Variants in TRIP4 observed in about 807,000 individuals in gnomAD.
TRIP4 encodes activating signal cointegrator 1.
TRIP4 carries 54 observed loss-of-function variants against 81.8 expected under a neutral mutation model. That is an observed-to-expected ratio of 0.66 (90% CI 0.53 to 0.83). The LOEUF is 0.83. TRIP4 is among the 40% of genes least tolerant of loss of function. The probability of loss-of-function intolerance (pLI) is 0.00; values close to 1 mark genes in which losing one functional copy is unlikely to be tolerated. For synonymous variants in TRIP4, 270 were observed against 242.8 expected, an observed-to-expected ratio of 1.11 and a Z score of -1.04; for missense variants, 662 against 683.6, an observed-to-expected ratio of 0.97 and a Z score of 0.35.
intron 12 of TRIP4, among the ~76,000 whole-genome samples, chr15:64,447,375 C>T (rs551282060): frequency 6.6e-6 from 1 of 152,300 alleles, no homozygotes; most frequent in East Asian, 1.9e-4. Flanking sequence ...TAGAGAAGTA[C>T]TTCTCAAACT....
chr15:64,395,281 G>C, intron 2 of TRIP4, 117 bp from the exon 3 acceptor site: 1 of 812,744 alleles, frequency 1.2e-6, no homozygotes, highest in Non-Finnish European at 1.7e-6. Flanking sequence ...AAATCTTCCT[G>C]ATGATATCTT....
rs1566978156 is a variant in TRIP4, at chr15:64,418,672, C to T, written c.1302C>T (p.Gly434=). 1.9e-6 allele frequency: 3 copies of T among 1,614,036 alleles called. No individual in the cohort carries two copies. The highest frequency in any genetic ancestry group is 2.5e-6 in the Non-Finnish European group (3 of 1,180,018). ...AATTTCAGGAAGGCTTTGATGGTGG[C>T]TGGTGCCTCTCTGTACATCAGCCCT... ...DQEFQEGFDG[G]WCLSVHQPWA... Residue 434 remains glycine, a synonymous_variant, in exon 9 of 13, where the codon GGC becomes GGT. Coordinates refer to ENST00000261884, the MANE Select transcript of TRIP4 (RefSeq NM_016213.5).
chr15:64,414,304 A>G lies in TRIP4; in HGVS notation c.1170+93A>G, dbSNP rs543711668. ...TCTATTTCATAGACTTCAGATACCA[A>G]TCAGCTCTCTCAATACACCTGTACC... is the stretch of plus-strand genomic sequence containing the variant. On this transcript the variant is annotated intron_variant, in intron 8 of 12. Coordinates refer to ENST00000261884, the MANE Select transcript of TRIP4 (RefSeq NM_016213.5). 7.2e-6 allele frequency: 11 copies of G among 1,527,668 alleles called. No individual in the cohort carries two copies. In the African/African-American group the frequency reaches 1.1e-4, roughly 15 times the overall value. The allele number at this position is 1,527,668 out of a possible 1,614,324, so 94.6% of individuals were successfully genotyped here. A position where few individuals can be genotyped will look rare whatever the true frequency, so the allele number is the denominator to read the frequency against.
At chr15:64,438,315 G>GTCAT (rs923561751) in intron 11 of TRIP4, among the ~76,000 whole-genome samples, 11 of 152,162 alleles carry the variant, frequency 7.2e-5, no homozygotes, top group African/African-American at 2.2e-4. Flanking sequence ...ACCATGTACT[G>GTCAT]TCATTCATTC....
At chr15:64,450,357 C>G (rs933716487) in intron 12 of TRIP4, among the ~76,000 whole-genome samples, 1 of 146,530 alleles carries the variant, frequency 6.8e-6, no homozygotes, top group Non-Finnish European at 1.5e-5. Flanking sequence ...CCACTGCACT[C>G]CAGCCTGGGC....
At chr15:64,453,631 T>A (rs1429572382) in intron 12 of TRIP4, among the ~76,000 whole-genome samples, 2 of 152,210 alleles carry the variant, frequency 1.3e-5, no homozygotes, top group Non-Finnish European at 2.9e-5. Flanking sequence ...GCATTGTGAT[T>A]ATTGTTAAAT....
At chr15:64,415,832 T>C (rs1165753736) in intron 8 of TRIP4, among the ~76,000 whole-genome samples, 4 of 152,216 alleles carry the variant, frequency 2.6e-5, no homozygotes, top group African/African-American at 9.6e-5. Flanking sequence ...TTTTGTCTTA[T>C]GCTAATGAGT....
intron 11 of TRIP4, chr15:64,444,639 A>AG (rs901836574): frequency 1.0e-4 from 16 of 153,862 alleles, no homozygotes; most frequent in Non-Finnish European, 2.9e-5. Context: ...AGTTGAACCT[A>AG]GGGGGTACCT....
intron 9 of TRIP4, among the ~76,000 whole-genome samples, chr15:64,422,426 T>C (rs1478632463): frequency 6.6e-6 from 1 of 152,226 alleles, no homozygotes; most frequent in African/African-American, 2.4e-5. Flanking sequence ...CTGCCATTTC[T>C]CTATTGTGTT....
chr15:64,438,865 A>G (rs2140309741), intron 11 of TRIP4, among the ~76,000 whole-genome samples: 1 of 152,332 alleles, frequency 6.6e-6, no homozygotes, highest in South Asian at 2.1e-4. Flanking sequence ...AGCTGCTTCA[A>G]CCAGATTGTC....
intron 12 of TRIP4, among the ~76,000 whole-genome samples, chr15:64,447,833 C>A (rs1344388399): frequency 1.3e-5 from 2 of 152,048 alleles, no homozygotes; most frequent in Admixed American, 6.6e-5. Flanking sequence ...CACCTCAGCC[C>A]CCAAAGTAGC....
chr15:64,416,850 A>G (rs768536071), intron 8 of TRIP4, among the ~76,000 whole-genome samples: 5 of 152,192 alleles, frequency 3.3e-5, no homozygotes, highest in Admixed American at 1.3e-4. Context: ...ATATGCCACA[A>G]TTGACAAGAA....
At chr15:64,394,450 A>G (rs535538186) in intron 2 of TRIP4, among the ~76,000 whole-genome samples, 6 of 152,134 alleles carry the variant, frequency 3.9e-5, no homozygotes, top group South Asian at 2.1e-4. Flanking sequence ...CTAAAAATAC[A>G]AAAAGTTAGC....
At chr15:64,444,548 T>C (rs1265304148) in intron 11 of TRIP4, 1 of 152,246 alleles carries the variant, frequency 6.6e-6, no homozygotes, top group Non-Finnish European at 1.5e-5. Context: ...TCCCTTTAGC[T>C]AGAGAAGGGC....
At chr15:64,421,075 C>T (rs1272243769) in intron 9 of TRIP4, among the ~76,000 whole-genome samples, 2 of 149,872 alleles carry the variant, frequency 1.3e-5, no homozygotes, top group Non-Finnish European at 3.0e-5. Context: ...TTTAGGAGGC[C>T]GAGGTGGGCG....
At chr15:64,401,688 T>C (rs1891513109) in intron 5 of TRIP4, among the ~76,000 whole-genome samples, 1 of 152,200 alleles carries the variant, frequency 6.6e-6, no homozygotes, top group South Asian at 2.1e-4. Flanking sequence ...AATATCCATG[T>C]GACCATACTT....
intron 12 of TRIP4, among the ~76,000 whole-genome samples, chr15:64,445,667 C>CACA (rs1555412112): frequency 1.3e-5 from 1 of 77,984 alleles, no homozygotes; most frequent in Non-Finnish European, 2.2e-5. Context: ...CACTCAGTCT[C>CACA]AAAAAAAAAA....
At chr15:64,390,741 A>G (rs1172972672) in intron 1 of TRIP4, among the ~76,000 whole-genome samples, 2 of 151,916 alleles carry the variant, frequency 1.3e-5, no homozygotes, top group Non-Finnish European at 2.9e-5. Flanking sequence ...AAATACAAAA[A>G]AAAATTAGCC....
rs1162102754 is a variant in TRIP4, at chr15:64,454,867, A to C, written c.1679-130A>C. The C allele has an allele frequency of 4.0e-6, 3 of 744,388 alleles. No individual in the cohort carries two copies. The African/African-American group carries it at 5.3e-5, about 13-fold the overall frequency. The allele number at this position is 744,388 out of a possible 1,614,324, so 46.1% of individuals were successfully genotyped here. On this transcript the variant is annotated intron_variant, in intron 12 of 12. Coordinates refer to ENST00000261884, the MANE Select transcript of TRIP4 (RefSeq NM_016213.5). ...ACAGAATGAAACTCTGAAGTTTGGA[A>C]GTGTCTGAGTCCTGAAGTAAGATAA...
Sources: allele counts gnomAD v4.1 joint callset (sites outside exome capture counted in the v4.1 genomes callset), GRCh38; gene constraint gnomAD v4.1.1; transcripts MANE v1.5; gene names NCBI Gene and HGNC (gene_info 2026-07-23, HGNC 2026-07-21).